The following FGD4 variants were observed in gnomAD, a reference collection of about 807,000 sequenced individuals.
FGD4 encodes FYVE, RhoGEF and PH domain-containing protein 4.
A neutral mutation model predicts 102.0 loss-of-function variants in FGD4; 42 were observed. The ratio of observed to expected loss-of-function variants is 0.41; its 90% confidence interval spans 0.32 to 0.53. The LOEUF (loss-of-function observed/expected upper bound fraction) is 0.53, where lower values mean the gene tolerates loss of function less well. Ranked by LOEUF, FGD4 falls within the 20% of genes least tolerant of loss-of-function variation. The pLI, the probability that FGD4 is intolerant of heterozygous loss-of-function variation, is 0.21. For missense variants in FGD4, 902 were observed against 1,078.2 expected, an observed-to-expected ratio of 0.84 and a Z score of 2.29; for synonymous variants, 380 against 375.7, an observed-to-expected ratio of 1.01 and a Z score of -0.13.
At chr12:32,412,254 A>G (rs1217262909) in intron 1 of FGD4, among the ~76,000 whole-genome samples, 1 of 152,168 alleles carries the variant, frequency 6.6e-6, no homozygotes, top group Non-Finnish European at 1.5e-5. Flanking sequence ...GAAAGATCTG[A>G]TTAGGTCTGG....
chr12:32,583,499 C>A (rs1224511777), intron 4 of FGD4, among the ~76,000 whole-genome samples: 1 of 152,060 alleles, frequency 6.6e-6, no homozygotes, highest in Non-Finnish European at 1.5e-5. Context: ...CCTGAAGCAA[C>A]ACATCACAAA....
intron 1 of FGD4, among the ~76,000 whole-genome samples, chr12:32,539,311 C>T (rs1287886849): frequency 2.0e-5 from 3 of 151,428 alleles, no homozygotes; most frequent in Non-Finnish European, 3.0e-5. Context: ...GGCTCACATC[C>T]GTAATCCCAG....
At chr12:32,442,854 A>G (rs1942491485) in intron 1 of FGD4, among the ~76,000 whole-genome samples, 1 of 152,156 alleles carries the variant, frequency 6.6e-6, no homozygotes, top group Non-Finnish European at 1.5e-5. Context: ...CACTGTGTCC[A>G]GGCTTCCATC....
intron 2 of FGD4, among the ~76,000 whole-genome samples, chr12:32,566,377 A>G (rs964494719): frequency 1.3e-5 from 2 of 152,154 alleles, no homozygotes; most frequent in African/African-American, 4.8e-5. Flanking sequence ...GACACAAACA[A>G]ACACTCAGAC....
chr12:32,546,570 A>C (rs1943239280), intron 1 of FGD4, among the ~76,000 whole-genome samples: 1 of 152,222 alleles, frequency 6.6e-6, no homozygotes, highest in African/African-American at 2.4e-5. Flanking sequence ...TGTGCTGTCT[A>C]TGTGACAGTG....
chr12:32,495,108 G>C (rs1360137573), intron 1 of FGD4, among the ~76,000 whole-genome samples: 1 of 152,010 alleles, frequency 6.6e-6, no homozygotes, highest in South Asian at 2.1e-4. Context: ...CAGCTGCATA[G>C]TTTCCAGATA....
At chr12:32,616,242 G>A (rs1053218359) in intron 10 of FGD4, among the ~76,000 whole-genome samples, 10 of 152,126 alleles carry the variant, frequency 6.6e-5, no homozygotes, top group Non-Finnish European at 1.0e-4. Flanking sequence ...GAGTTGTTTT[G>A]GAAAGAGGTT....
intron 8 of FGD4, among the ~76,000 whole-genome samples, chr12:32,609,445 G>A (rs900918386): frequency 1.3e-5 from 2 of 152,114 alleles, no homozygotes; most frequent in Non-Finnish European, 2.9e-5. Flanking sequence ...TAGAGCAGTG[G>A]CTTTATCCCA....
At chr12:32,446,945 G>A (rs1229787541) in intron 1 of FGD4, among the ~76,000 whole-genome samples, 2 of 152,230 alleles carry the variant, frequency 1.3e-5, no homozygotes, top group Non-Finnish European at 2.9e-5. Flanking sequence ...GCACAGTCCA[G>A]TTATTGTGAG....
intron 1 of FGD4, among the ~76,000 whole-genome samples, chr12:32,450,280 C>A (rs1217396354): frequency 6.6e-6 from 1 of 152,094 alleles, no homozygotes; most frequent in East Asian, 1.9e-4. Context: ...CCATGTTGCC[C>A]AGGCTGGTCT....
At chr12:32,405,361 G>A (rs1368042032) in intron 1 of FGD4, among the ~76,000 whole-genome samples, 3 of 149,048 alleles carry the variant, frequency 2.0e-5, no homozygotes, top group African/African-American at 7.4e-5. Context: ...CCGGGTTCAA[G>A]CAATTCTCTT....
At chr12:32,630,897 G>T (rs1039299135) in intron 14 of FGD4, among the ~76,000 whole-genome samples, 1 of 151,736 alleles carries the variant, frequency 6.6e-6, no homozygotes, top group African/African-American at 2.4e-5. Context: ...AGGACGGCTT[G>T]AGCTCAGGAG....
intron 1 of FGD4, chr12:32,501,921 A>G (rs1938245419): frequency 2.1e-6 from 1 of 478,142 alleles, no homozygotes; most frequent in Non-Finnish European, 2.7e-6. Flanking sequence ...CACCAAGGGT[A>G]AATTTGCTGG....
chr12:32,460,392 G>T (rs895002269), intron 1 of FGD4, among the ~76,000 whole-genome samples: 1 of 151,768 alleles, frequency 6.6e-6, no homozygotes, highest in Non-Finnish European at 1.5e-5. Flanking sequence ...GTGCGTGCCC[G>T]TAGCACCAGC....
Position 32,540,571 on chromosome 12 carries a change from T to C in FGD4, c.167-23566T>C, listed in dbSNP as rs533131603. Reference sequence around the variant, plus strand: ...TTTTTTTCTTTCTTTCTTTTCTTTTTTTTTTTTTTGTGAGACAGAGTTTCA... The same window carrying C: ...TTTTTTTCTTTCTTTCTTTTCTTTTCTTTTTTTTTGTGAGACAGAGTTTCA... On this transcript the variant is annotated intron_variant, in intron 1 of 16. Transcript: ENST00000534526. Among the ~76,000 whole-genome samples the C allele has an allele frequency of 6.2e-4, 94 of 150,796 alleles. 1 individual carries two copies. The highest frequency in any genetic ancestry group is 2.1e-3 in the African/African-American group (86 of 41,010).
At chr12:32,449,394 A>G (rs1297689705) in intron 1 of FGD4, among the ~76,000 whole-genome samples, 2 of 152,230 alleles carry the variant, frequency 1.3e-5, no homozygotes, top group Non-Finnish European at 2.9e-5. Context: ...CTGTCTATTT[A>G]GGTTCCTATA....
intron 1 of FGD4, among the ~76,000 whole-genome samples, chr12:32,531,678 A>G (rs1941834109): frequency 6.6e-6 from 1 of 152,228 alleles, no homozygotes; most frequent in East Asian, 1.9e-4. Context: ...CACTACTTGA[A>G]GAACAAGTGG....
chr12:32,408,788 A>AT (rs1337408303), intron 1 of FGD4, among the ~76,000 whole-genome samples: 1 of 151,930 alleles, frequency 6.6e-6, no homozygotes, highest in Non-Finnish European at 1.5e-5. Flanking sequence ...GCCCTTCTTA[A>AT]TTTTTCTGTG....
At chr12:32,436,704 G>A (rs1407827634) in intron 1 of FGD4, among the ~76,000 whole-genome samples, 1 of 152,144 alleles carries the variant, frequency 6.6e-6, no homozygotes, top group Non-Finnish European at 1.5e-5. Context: ...ATTTGGTTAT[G>A]ACACTAGGTC....
Sources: allele counts gnomAD v4.1 joint callset (sites outside exome capture counted in the v4.1 genomes callset), GRCh38; gene constraint gnomAD v4.1.1; transcripts MANE v1.5; gene names NCBI Gene and HGNC (gene_info 2026-07-23, HGNC 2026-07-21).